The following DPF2 variants were observed in gnomAD, a reference collection of about 807,000 sequenced individuals.
DPF2 encodes the protein double PHD fingers 2, also known as zinc finger protein ubi-d4.
Under a neutral mutation model 59.6 loss-of-function variants are expected in DPF2, and 10 were observed. The ratio of observed to expected loss-of-function variants is 0.17; its 90% CI spans 0.10 to 0.28. The LOEUF (loss-of-function observed/expected upper bound fraction) is 0.28. Among genes scored for constraint, DPF2 ranks in the 10% least tolerant of loss-of-function variants. DPF2 has a pLI of 1.00. For synonymous variants in DPF2, 189 were observed against 190.6 expected (o/e 0.99, Z 0.07); for missense variants, 315 against 509.4 (o/e 0.62, Z 3.67).
intron 6 of DPF2, 92 bp downstream of exon 6, chr11:65,344,161 A>T: frequency 1.5e-6 from 2 of 1,359,840 alleles, no homozygotes; most frequent in Non-Finnish European, 2.1e-6. Context: ...TTTTGCCCAG[A>T]GTATTAAAAC....
At chr11:65,349,117 A>G (rs550067165) in intron 10 of DPF2, among the ~76,000 whole-genome samples, 186 bp downstream of exon 10, 12 of 152,362 alleles carry the variant, frequency 7.9e-5, no homozygotes, top group Non-Finnish European at 7.3e-5. Context: ...TTTGCACATT[A>G]TCAGCTACAT....
In DPF2 at chr11:65,353,814, A is replaced by G. The variant is rs1303628767; in HGVS notation, c.*2055A>G. Among the ~76,000 whole-genome samples, 1 of 151,970 alleles carries G rather than the reference A, an allele frequency of 6.6e-6. No individual in the cohort carries two copies. Among genetic ancestry groups the G allele is most frequent in the Non-Finnish European group, 1.5e-5 (1 of 68,014 alleles). ...ATAAGCAGGGTGCTCTGGGCTGGGGATTGTGTGAGGAGCAGAGCGCAGCCC... is the reference window on the plus strand; with the variant it reads ...ATAAGCAGGGTGCTCTGGGCTGGGGGTTGTGTGAGGAGCAGAGCGCAGCCC... On this transcript the variant is annotated 3_prime_UTR_variant, in exon 11 of 11. Transcript: ENST00000528416.
chr11:65,345,979 C>T lies in DPF2; in HGVS notation c.825C>T (p.Phe275=), dbSNP rs1745516354. The change falls in exon 8 of 11, where the codon TTC becomes TTT. Residue 275 remains phenylalanine (F), a synonymous_variant. Coordinates refer to ENST00000528416, the MANE Select transcript of DPF2 (RefSeq NM_006268.5). ...CCTTGCCCAACAACTACTGTGACTT[C>T]TGCCTGGGGGACTCAAAGATTAACA... is the stretch of plus-strand genomic sequence containing the variant. ...GLALPNNYCD[F]CLGDSKINKK... 1 of 1,614,216 alleles carries T rather than the reference C, an allele frequency of 6.2e-7. No homozygotes were observed. Among genetic ancestry groups the T allele is most frequent in the Non-Finnish European group, 8.5e-7 (1 of 1,180,050 alleles).
intron 9 of DPF2, 118 bp from the exon 10 acceptor site, chr11:65,348,730 TAA>T (rs1038955030): frequency 1.0e-4 from 90 of 872,182 alleles, no homozygotes; most frequent in Non-Finnish European, 1.6e-4. Context: ...GTTTCCCACA[TAA>T]GATTCTCACA....
At chr11:65,340,637 C>G (rs1248024814) in intron 2 of DPF2, 92 bp downstream of exon 2, 1 of 1,522,206 alleles carries the variant, frequency 6.6e-7, no homozygotes, top group South Asian at 1.2e-5. Context: ...ATAGGGTTTT[C>G]CCTACTGCCT....
chr11:65,351,783 A>C lies in DPF2; in HGVS notation c.*24A>C, dbSNP rs1410858288. The C allele has an allele frequency of 2.5e-6, 4 of 1,609,006 alleles. No individual in the cohort carries two copies. The highest frequency in any genetic ancestry group is 3.4e-6 in the Non-Finnish European group (4 of 1,176,984). ...GATGTGGCCACCCACCTGCTCCCCG[A>C]CATATCTAAGGCTGTTTCTCTCCTC... On this transcript the variant is annotated 3_prime_UTR_variant, in exon 11 of 11. Transcript: ENST00000528416.
intron 1 of DPF2, among the ~76,000 whole-genome samples, chr11:65,335,745 G>T (rs1950086466): frequency 6.6e-6 from 1 of 152,140 alleles, no homozygotes; most frequent in African/African-American, 2.4e-5. Flanking sequence ...ATTATAGTGT[G>T]CCTAGTCTTC....
At position 65,348,758 on chromosome 11, in the gene DPF2, T is replaced by C. The variant is rs542446676; in HGVS notation, c.1018-92T>C. 4.1e-4 allele frequency: 528 copies of C among 1,279,038 alleles called. 4 individuals carry two copies. The South Asian group carries it at 6.2e-3, about 15-fold the overall frequency. 79.2% of individuals were successfully genotyped at this position (1,279,038 alleles called of 1,614,324 possible). A position where few individuals can be genotyped will look rare whatever the true frequency, so the allele number is the denominator to read the frequency against. On this transcript the variant is annotated intron_variant, in intron 9 of 10. Coordinates refer to ENST00000528416, the MANE Select transcript of DPF2 (RefSeq NM_006268.5). ...GATTCTCACATCTGTTCTTACCTGCTACCTACCCCTCTTGGAAATAGCAGT... is the reference window on the plus strand; with the variant it reads ...GATTCTCACATCTGTTCTTACCTGCCACCTACCCCTCTTGGAAATAGCAGT...
At chr11:65,343,423 A>G (rs183681710) in intron 4 of DPF2, 120 of 333,060 alleles carry the variant, frequency 3.6e-4, no homozygotes, top group East Asian at 2.7e-3. Context: ...AGGGTGGCCA[A>G]TCAGAGGCAG....
At chr11:65,344,721 A>C in intron 6 of DPF2, 1 of 1,308,564 alleles carries the variant, frequency 7.6e-7, no homozygotes. Flanking sequence ...CTAGCTTTAA[A>C]ATCTCTGGAA....
chr11:65,341,509 G>C lies in DPF2; in HGVS notation c.412G>C (p.Val138Leu). 1 of 1,614,228 alleles carries C rather than the reference G, an allele frequency of 6.2e-7. No individual in the cohort carries two copies. The highest frequency in any genetic ancestry group is 8.5e-7 in the Non-Finnish European group (1 of 1,180,032). ...GAAGCGAGGTGCCCCGGATCCCCGA[G>C]TTGATGATGACAGCCTGGGCGAGTT... ...LEKRGAPDPR[V>L]DDDSLGEFPV... is the part of the protein sequence containing the mutation. The change falls in exon 4 of 11, where the codon GTT becomes CTT. Residue 138 changes from valine to leucine, a missense_variant. Val to Leu is a conservative substitution (Grantham distance 32). This residue lies in a region of DPF2 where 228 missense variants were observed against 275.3 expected (regional missense o/e 0.83). Coordinates refer to ENST00000528416, the MANE Select transcript of DPF2 (RefSeq NM_006268.5).
Position 65,346,350 on chromosome 11 carries a change from C to T in DPF2, c.1008C>T (p.Ser336=), listed in dbSNP as rs764992910. 10 of 1,612,050 alleles carry T rather than the reference C, an allele frequency of 6.2e-6. No homozygotes were observed. The East Asian group carries it at 6.7e-5, about 11-fold the overall frequency. Residue 336 remains serine, a synonymous_variant, in exon 9 of 11, where the codon TCC becomes TCT. Transcript: ENST00000528416. ...AATGTTGCAATATCTGCGGCACCTC[C>T]GAGAATGACGTGTGTATCCCCGCCC... ...ECKCCNICGT[S]ENDDQLLFCD...
chr11:65,337,496 TATATATATAGAGAGAGAGAGAGAG>T (rs1212803497), intron 1 of DPF2, among the ~76,000 whole-genome samples: 6 of 57,222 alleles, frequency 1.0e-4, no homozygotes, highest in African/African-American at 2.8e-4. Flanking sequence ...TATATATATA[TATATATATAGAGAGAGAGAGAGAG>T]AGAGAGAGAG....
chr11:65,333,865 C>T lies in DPF2; in HGVS notation c.-22C>T. On this transcript the variant is annotated 5_prime_UTR_variant, in exon 1 of 11. Transcript: ENST00000528416. ...GCTGCGGACTGTGGGGCTTCTCGGCCCGAGGCAGAGGAACAGGGAAGATGG... is the reference window on the plus strand; with the variant it reads ...GCTGCGGACTGTGGGGCTTCTCGGCTCGAGGCAGAGGAACAGGGAAGATGG... 6.2e-7 allele frequency: 1 copy of T among 1,613,758 alleles called. No individual in the cohort carries two copies. Among genetic ancestry groups the T allele is most frequent in the Non-Finnish European group, 8.5e-7 (1 of 1,179,904 alleles).
intron 9 of DPF2, chr11:65,346,688 T>A (rs940729825): frequency 2.3e-5 from 5 of 215,658 alleles, no homozygotes; most frequent in Non-Finnish European, 4.6e-5. Flanking sequence ...ACGAAATCAG[T>A]ACTGTGGCAG....
At chr11:65,335,950 A>G (rs1282542402) in intron 1 of DPF2, among the ~76,000 whole-genome samples, 1 of 151,868 alleles carries the variant, frequency 6.6e-6, no homozygotes, top group African/African-American at 2.4e-5. Flanking sequence ...GGTAGCTGAG[A>G]TTACAGGTGC....
At position 65,351,900 on chromosome 11, in the gene DPF2, C is replaced by T. The variant is rs1197287346; in HGVS notation, c.*141C>T. 1.4e-5 allele frequency: 13 copies of T among 926,552 alleles called. No homozygotes were observed. The highest frequency in any genetic ancestry group is 2.1e-5 in the Non-Finnish European group (13 of 613,180). The allele number at this position is 926,552 out of a possible 1,614,324, so 57.4% of individuals were successfully genotyped here. On this transcript the variant is annotated 3_prime_UTR_variant, in exon 11 of 11. Coordinates refer to ENST00000528416, the MANE Select transcript of DPF2 (RefSeq NM_006268.5). The stretch of plus-strand genomic sequence containing the variant: ...GGTGGTTGTGCCAGCCTGCCTTTGG[C>T]AGCTGCAAGCTGAGGTGGCAGCTCT...
intron 1 of DPF2, 107 bp from the exon 2 acceptor site, chr11:65,340,278 C>A: frequency 7.5e-7 from 1 of 1,332,386 alleles, no homozygotes; most frequent in Non-Finnish European, 1.0e-6. Context: ...AGACAGCCAC[C>A]CAGTCCCTTG....
chr11:65,348,308 G>A (rs777106743), intron 9 of DPF2: 8 of 151,938 alleles, frequency 5.3e-5, no homozygotes, highest in Admixed American at 1.3e-4. Context: ...CACTGGGCAC[G>A]GCGTCTCACA....
Sources: allele counts gnomAD v4.1 joint callset (sites outside exome capture counted in the v4.1 genomes callset), GRCh38; gene constraint gnomAD v4.1.1; regional missense constraint gnomAD v4.1.1; transcripts MANE v1.5; gene names NCBI Gene and HGNC (gene_info 2026-07-23, HGNC 2026-07-21).